Variants in MGAT5 observed in about 807,000 individuals in gnomAD.
The protein encoded by MGAT5 is alpha-1,6-mannosylglycoprotein 6-beta-N-acetylglucosaminyltransferase A.
MGAT5 carries 30 observed loss-of-function variants against 94.3 expected under a neutral mutation model. The observed-to-expected ratio is 0.32, with a 90% CI of 0.24 to 0.43. MGAT5 has a LOEUF of 0.43. MGAT5 is among the 20% of genes least tolerant of loss of function. The pLI is 1.00. For synonymous variants in MGAT5, 310 were observed against 322.9 expected, an observed-to-expected ratio of 0.96 and a Z score of 0.43; for missense variants, 691 against 905.5, an observed-to-expected ratio of 0.76 and a Z score of 3.04.
At chr2:134,169,247 T>C in intron 1 of MGAT5, among the ~76,000 whole-genome samples, 1 of 152,086 alleles carries the variant, frequency 6.6e-6, no homozygotes, top group Non-Finnish European at 1.5e-5. Flanking sequence ...TGGTTGAAAA[T>C]GGGATTTCAA....
chr2:134,181,297 C>T (rs1307093254), intron 1 of MGAT5, among the ~76,000 whole-genome samples: 2 of 152,158 alleles, frequency 1.3e-5, no homozygotes, highest in African/African-American at 4.8e-5. Flanking sequence ...AGGAATTATC[C>T]AGCGTAAATA....
chr2:134,203,407 T>C (rs897759977), intron 1 of MGAT5, among the ~76,000 whole-genome samples: 7 of 152,220 alleles, frequency 4.6e-5, no homozygotes, highest in African/African-American at 1.4e-4. Flanking sequence ...TCACTTAAGC[T>C]AAGGATCAGT....
intron 1 of MGAT5, among the ~76,000 whole-genome samples, chr2:134,256,890 G>A (rs1682999001): frequency 6.6e-6 from 1 of 152,158 alleles, no homozygotes; most frequent in South Asian, 2.1e-4. Flanking sequence ...GTGGTTTTGG[G>A]AGCTGAGTTT....
intron 14 of MGAT5, among the ~76,000 whole-genome samples, chr2:134,441,496 T>C (rs1426745385): frequency 6.6e-6 from 1 of 151,278 alleles, no homozygotes; most frequent in Non-Finnish European, 1.5e-5. Flanking sequence ...AAGTATGACC[T>C]CTCATCCTGG....
chr2:134,349,245 A>G (rs1004171149), intron 8 of MGAT5, among the ~76,000 whole-genome samples: 2 of 152,200 alleles, frequency 1.3e-5, no homozygotes, highest in African/African-American at 4.8e-5. Context: ...TCTAGGAGAA[A>G]GCAAATAAAG....
chr2:134,151,143 T>C (rs1306925245), intron 1 of MGAT5, among the ~76,000 whole-genome samples: 1 of 152,004 alleles, frequency 6.6e-6, no homozygotes, highest in Non-Finnish European at 1.5e-5. Context: ...CTCACCGCCA[T>C]GGGACCTCAC....
intron 2 of MGAT5, among the ~76,000 whole-genome samples, chr2:134,275,645 A>G (rs911222355): frequency 8.9e-5 from 12 of 135,302 alleles, no homozygotes; most frequent in Admixed American, 7.8e-4. Context: ...ATGCAGTGGC[A>G]CTATCACAGC....
chr2:134,227,666 G>GA (rs1043781575), intron 1 of MGAT5, among the ~76,000 whole-genome samples: 3 of 152,174 alleles, frequency 2.0e-5, no homozygotes, highest in Non-Finnish European at 4.4e-5. Flanking sequence ...CCTTGGGAGG[G>GA]AAAACTTTCT....
In MGAT5 at chr2:134,292,346, G is replaced by C. The variant is rs932266901; in HGVS notation, c.406+21796G>C. Among the ~76,000 whole-genome samples, 3 of 152,058 alleles carry C rather than the reference G, an allele frequency of 2.0e-5. No individual in the cohort carries two copies. In the East Asian group the frequency reaches 5.8e-4, roughly 29 times the overall value. On this transcript the variant is annotated intron_variant, in intron 2 of 15. Coordinates refer to ENST00000281923, the MANE Select transcript of MGAT5 (RefSeq NM_002410.5). Reference sequence around the variant, plus strand: ...ACATATAGCATCTCATTTAATCCTCGCAAGTCTCTCCTCTTCTGGAGGAGG... The same window carrying C: ...ACATATAGCATCTCATTTAATCCTCCCAAGTCTCTCCTCTTCTGGAGGAGG...
At position 134,299,124 on chromosome 2, in the gene MGAT5, C is replaced by A. The variant is rs74895727; in HGVS notation, c.407-18405C>A. Reference sequence around the variant, plus strand: ...CAAGCGTCAATACCACTATCATCATCTGTAGTCCACAAAATCTCTGTCAAT... The same window carrying A: ...CAAGCGTCAATACCACTATCATCATATGTAGTCCACAAAATCTCTGTCAAT... On this transcript the variant is annotated intron_variant, in intron 2 of 15. Transcript: ENST00000281923. Among the ~76,000 whole-genome samples, 464 of 152,290 alleles carry A rather than the reference C, an allele frequency of 3.0e-3. 4 individuals carry two copies. The highest frequency in any genetic ancestry group is 0.011 in the African/African-American group (445 of 41,568).
chr2:134,368,341 G>A (rs973305149), intron 10 of MGAT5, among the ~76,000 whole-genome samples: 1 of 152,234 alleles, frequency 6.6e-6, no homozygotes, highest in East Asian at 1.9e-4. Context: ...GAGTAAATAA[G>A]CCTGATATGA....
intron 9 of MGAT5, among the ~76,000 whole-genome samples, chr2:134,357,151 A>G (rs1679796136): frequency 6.6e-6 from 1 of 152,222 alleles, no homozygotes; most frequent in Non-Finnish European, 1.5e-5. Flanking sequence ...AGAATGAACA[A>G]TATTGCCTAT....
intron 2 of MGAT5, among the ~76,000 whole-genome samples, chr2:134,301,259 G>A (rs1165633075): frequency 6.6e-6 from 1 of 152,042 alleles, no homozygotes; most frequent in Non-Finnish European, 1.5e-5. Context: ...ACCATAATTG[G>A]TTTATCTGTT....
At chr2:134,244,976 G>C (rs1409603560) in intron 1 of MGAT5, among the ~76,000 whole-genome samples, 1 of 152,164 alleles carries the variant, frequency 6.6e-6, no homozygotes, top group African/African-American at 2.4e-5. Flanking sequence ...TCATTTTTCA[G>C]GGACCCGTGC....
intron 10 of MGAT5, among the ~76,000 whole-genome samples, chr2:134,379,090 G>A (rs201150971): frequency 6.6e-6 from 1 of 152,108 alleles, no homozygotes; most frequent in East Asian, 1.9e-4. Context: ...CAGGCCTTCT[G>A]GCTTTTTCTC....
chr2:134,399,846 G>T (rs1682935232), intron 10 of MGAT5, among the ~76,000 whole-genome samples: 1 of 152,180 alleles, frequency 6.6e-6, no homozygotes, highest in African/African-American at 2.4e-5. Context: ...AGGGAAGGGG[G>T]AGTGTATGCT....
chr2:134,448,166 A>G (rs1415329878), intron 15 of MGAT5, among the ~76,000 whole-genome samples: 1 of 152,244 alleles, frequency 6.6e-6, no homozygotes, highest in East Asian at 1.9e-4. Context: ...ATTAGCACAT[A>G]GCCGTCTCGA....
intron 12 of MGAT5, among the ~76,000 whole-genome samples, chr2:134,413,807 G>T (rs1683807861): frequency 6.6e-6 from 1 of 152,208 alleles, no homozygotes. Flanking sequence ...AGGGCCTTTG[G>T]CTGGGGGATT....
rs1687071741 is a variant in MGAT5, at chr2:134,317,622, C to T, written c.483+17C>T. 1 of 1,507,010 alleles carries T rather than the reference C, an allele frequency of 6.6e-7. No individual in the cohort carries two copies. The highest frequency in any genetic ancestry group is 8.9e-7 in the Non-Finnish European group (1 of 1,122,220). 93.4% of individuals were successfully genotyped at this position (1,507,010 alleles called of 1,614,324 possible). A position where few individuals can be genotyped will look rare whatever the true frequency, so the allele number is the denominator to read the frequency against. On this transcript the variant is annotated intron_variant, in intron 3 of 15. Coordinates refer to ENST00000281923, the MANE Select transcript of MGAT5 (RefSeq NM_002410.5). Reference sequence around the variant, plus strand: ...AAGATCAAGGTAAGGCAGAGGCAAGCATCATCCCCAATCTGCACAAACACC... The same window carrying T: ...AAGATCAAGGTAAGGCAGAGGCAAGTATCATCCCCAATCTGCACAAACACC...
Sources: gnomAD v4.1 joint callset for allele counts (sites outside exome capture counted in the v4.1 genomes callset) on GRCh38, gnomAD v4.1.1 for gene constraint, MANE v1.5 for transcripts, NCBI Gene and HGNC (gene_info 2026-07-23, HGNC 2026-07-21) for gene names.